Variants in TRIM49C observed in about 807,000 individuals in gnomAD.
TRIM49C encodes the protein tripartite motif containing 49C, also known as tripartite motif-containing protein 49C.
TRIM49C carries 6 observed loss-of-function variants against 21.4 expected under a neutral mutation model. The observed-to-expected ratio is 0.28, with a 90% CI of 0.15 to 0.55. The LOEUF is 0.55. Ranked by LOEUF, TRIM49C falls within the 20% of genes least tolerant of loss-of-function variation. The pLI is 0.94. For missense variants in TRIM49C, 161 were observed against 442.4 expected (o/e 0.36, Z 5.71); for synonymous variants, 57 against 148.1 (o/e 0.38, Z 4.47).
At chr11:90,031,970 A>C (rs941438654) in intron 1 of TRIM49C, among the ~76,000 whole-genome samples, 15 of 135,728 alleles carry the variant, frequency 1.1e-4, no homozygotes, top group Admixed American at 4.2e-4. Flanking sequence ...GTTACCAAAA[A>C]TTTCAACAAA....
At chr11:90,031,973 T>C (rs1374248800) in intron 1 of TRIM49C, among the ~76,000 whole-genome samples, 1 of 135,330 alleles carries the variant, frequency 7.4e-6, no homozygotes, top group Non-Finnish European at 1.6e-5. Flanking sequence ...ACCAAAAATT[T>C]CAACAAAAAA....
the TRIM49C span, among the ~76,000 whole-genome samples, chr11:90,049,305 G>T: frequency 5.5e-5 from 5 of 91,204 alleles, 1 homozygote; most frequent in South Asian, 1.5e-3. Context: ...GGACATTTAA[G>T]TCTGCAGCGG....
At chr11:90,055,612 G>A in the TRIM49C span, among the ~76,000 whole-genome samples, 1 of 151,090 alleles carries the variant, frequency 6.6e-6, no homozygotes, top group African/African-American at 2.4e-5. Context: ...TGTGCCATCT[G>A]CCTAATTTTG....
the TRIM49C span, among the ~76,000 whole-genome samples, chr11:90,055,678 G>T: frequency 1.4e-5 from 2 of 147,164 alleles, no homozygotes; most frequent in African/African-American, 5.0e-5. Flanking sequence ...TTTCCTTAAA[G>T]CCAAATACTC....
At chr11:90,056,101 GGCGCCCGCCACC>G in the TRIM49C span, among the ~76,000 whole-genome samples, 1 of 135,368 alleles carries the variant, frequency 7.4e-6, no homozygotes. Context: ...TGGGACTACA[GGCGCCCGCCACC>G]GCGCCCGGCT....
chr11:90,051,795 C>A, the TRIM49C span: 1 of 333,788 alleles, frequency 3.0e-6, no homozygotes, highest in Non-Finnish European at 5.4e-6. Flanking sequence ...GCCCCGCGGC[C>A]TTGCCCTGCC....
Position 90,041,551 on chromosome 11 carries a change from C to A in TRIM49C, c.*1C>A. 6.0e-6 allele frequency: 8 copies of A among 1,333,514 alleles called. 1 individual carries two copies. Among genetic ancestry groups the A allele is most frequent in the Non-Finnish European group, 8.0e-6 (8 of 1,000,760 alleles). 82.6% of individuals were successfully genotyped at this position (1,333,514 alleles called of 1,614,324 possible). ...TATCTTTTGCTGTATTCACTTCTGACCAGAGACAAATCAGAAATGTGTTCA... is the reference window on the plus strand; with the variant it reads ...TATCTTTTGCTGTATTCACTTCTGAACAGAGACAAATCAGAAATGTGTTCA... On this transcript the variant is annotated 3_prime_UTR_variant, in exon 8 of 8. Transcript: ENST00000448984.
the TRIM49C span, among the ~76,000 whole-genome samples, chr11:90,068,636 G>A: frequency 7.1e-6 from 1 of 141,438 alleles, no homozygotes; most frequent in Non-Finnish European, 1.5e-5. Flanking sequence ...GGATTTTCTT[G>A]CACCTAAAGA....
the TRIM49C span, among the ~76,000 whole-genome samples, chr11:90,071,454 A>T: frequency 7.0e-6 from 1 of 142,588 alleles, no homozygotes; most frequent in South Asian, 2.3e-4. Flanking sequence ...TAGGATTCAG[A>T]ATCATAATTA....
At chr11:90,062,491 C>A in the TRIM49C span, 1 of 1,105,414 alleles carries the variant, frequency 9.0e-7, no homozygotes, top group Non-Finnish European at 1.2e-6. Context: ...ATAATCACCA[C>A]CTCCATCATC....
chr11:90,056,080 TC>T, the TRIM49C span, among the ~76,000 whole-genome samples: 1 of 131,718 alleles, frequency 7.6e-6, no homozygotes, highest in Non-Finnish European at 1.6e-5. Context: ...TGCCTCAGCC[TC>T]CCGAGTAGCT....
the TRIM49C span, among the ~76,000 whole-genome samples, chr11:90,056,663 CTACT>C: frequency 1.8e-5 from 2 of 109,468 alleles, no homozygotes; most frequent in Non-Finnish European, 3.7e-5. Flanking sequence ...ACTAACTCCT[CTACT>C]TAATCCATTT....
At chr11:90,068,492 T>C in the TRIM49C span, among the ~76,000 whole-genome samples, 1 of 144,676 alleles carries the variant, frequency 6.9e-6, no homozygotes, top group Non-Finnish European at 1.5e-5. Flanking sequence ...GCTTAATTAT[T>C]GATAAGTCAT....
chr11:90,057,937 T>G, the TRIM49C span: 10 of 1,522,330 alleles, frequency 6.6e-6, 2 homozygotes, highest in Non-Finnish European at 8.8e-6. Flanking sequence ...CAGTAATGCT[T>G]GCCAGAGGTG....
At chr11:90,047,083 T>G in the TRIM49C span, among the ~76,000 whole-genome samples, 3 of 123,256 alleles carry the variant, frequency 2.4e-5, no homozygotes, top group African/African-American at 3.3e-5. Context: ...CGGTTTTGAG[T>G]GAGTTTCTTA....
chr11:90,062,920 T>A, the TRIM49C span: 1 of 1,434,254 alleles, frequency 7.0e-7, no homozygotes, highest in Middle Eastern at 2.1e-4. Flanking sequence ...CAGTCAATGG[T>A]GACCGGTCTA....
chr11:90,037,225 G>A (rs1483384788), intron 4 of TRIM49C, among the ~76,000 whole-genome samples: 4 of 134,736 alleles, frequency 3.0e-5, no homozygotes, highest in Non-Finnish European at 6.4e-5. Context: ...AGACTGGGAT[G>A]ACTTAGAAAA....
chr11:90,071,468 A>T, the TRIM49C span, among the ~76,000 whole-genome samples: 3 of 143,236 alleles, frequency 2.1e-5, no homozygotes, highest in African/African-American at 7.6e-5. Flanking sequence ...ATAATTAGAG[A>T]TCAACTATTT....
In TRIM49C at chr11:90,039,734, G is replaced by A. The variant is rs1344877019; in HGVS notation, c.762-131G>A. ...AACTGTAAAGAATTAATTTGCAAAAGGAAGGATTAATTTTTGAATTATCAA... is the reference window on the plus strand; with the variant it reads ...AACTGTAAAGAATTAATTTGCAAAAAGAAGGATTAATTTTTGAATTATCAA... On this transcript the variant is annotated intron_variant, in intron 6 of 7. Transcript: ENST00000448984. 4 of 724,764 alleles carry A rather than the reference G, an allele frequency of 5.5e-6. No homozygotes were observed. The East Asian group carries it at 9.7e-5, about 17-fold the overall frequency. The allele number at this position is 724,764 out of a possible 1,614,324, so 44.9% of individuals were successfully genotyped here.
Sources: allele counts gnomAD v4.1 joint callset (sites outside exome capture counted in the v4.1 genomes callset), GRCh38; gene constraint gnomAD v4.1.1; transcripts MANE v1.5; gene names NCBI Gene and HGNC (gene_info 2026-07-23, HGNC 2026-07-21).